KIRREL3: variants seen among roughly 807,000 people sequenced by gnomAD.
KIRREL3 encodes the protein kirre like nephrin family adhesion molecule 3, also known as kin of IRRE-like protein 3.
Under a neutral mutation model 89.7 loss-of-function variants are expected in KIRREL3, and 36 were observed. The ratio of observed to expected loss-of-function variants is 0.40; its 90% CI spans 0.31 to 0.53. The LOEUF (loss-of-function observed/expected upper bound fraction) is 0.53, where lower values mean the gene tolerates loss of function less well. Ranked by LOEUF, KIRREL3 falls within the 20% of genes least tolerant of loss-of-function variation. KIRREL3 has a pLI of 0.49. For missense variants in KIRREL3, 864 were observed against 1,056.6 expected (o/e 0.82, Z 2.53); for synonymous variants, 445 against 441.4 (o/e 1.01, Z -0.10).
chr11:126,915,361 AT>A (rs545832130), intron 1 of KIRREL3, among the ~76,000 whole-genome samples: 82 of 149,826 alleles, frequency 5.5e-4, no homozygotes, highest in East Asian at 3.1e-3. Context: ...TCAGCTCTGT[AT>A]TTTTTTTTTA....
At position 126,555,473 on chromosome 11, in the gene KIRREL3, T is replaced by A. The variant is rs73634683; in HGVS notation, c.133+7362A>T. On this transcript the variant is annotated intron_variant, in intron 2 of 16. Coordinates refer to ENST00000525144, the MANE Select transcript of KIRREL3 (RefSeq NM_032531.4). The surrounding 1 kb of genome is among the most constrained non-coding windows in gnomAD (Gnocchi z 4.2). ...TCTTGACTGAGGAGGGATGGGTCAG[T>A]GGAGGCATCACTGGAGCAGAGACTT... Among the ~76,000 whole-genome samples, 6,054 of 152,184 alleles carry A rather than the reference T, an allele frequency of 0.04. 303 individuals are homozygous for A. The highest frequency in any genetic ancestry group is 0.12 in the African/African-American group (4,861 of 41,502).
At position 126,530,900 on chromosome 11, in the gene KIRREL3, C is replaced by T. The variant is rs529425814; in HGVS notation, c.134-4213G>A. Among the ~76,000 whole-genome samples the T allele has an allele frequency of 1.1e-4, 16 of 151,974 alleles. No individual in the cohort carries two copies. The highest frequency in any genetic ancestry group is 5.8e-4 in the East Asian group (3 of 5,166). ...GGCTGGAGTGCAGTGGTGCGATCTC[C>T]GCTCATTGCAACCTTTGCCTCCCGG... On this transcript the variant is annotated intron_variant, in intron 2 of 16. Transcript: ENST00000525144. The surrounding 1 kb of genome is among the most constrained non-coding windows in gnomAD (Gnocchi z 5.8).
Position 126,923,196 on chromosome 11 carries a change from T to TTCTTTTCTTCTTCTTC in KIRREL3, c.55+77258_55+77259insGAAGAAGAAGAAAAGA, listed in dbSNP as rs1947473005. 8.6e-4 allele frequency among the ~76,000 whole-genome samples: 8 copies of TTCTTTTCTTCTTCTTC among 9,338 alleles called. 4 individuals are homozygous for TTCTTTTCTTCTTCTTC. The highest frequency in any genetic ancestry group is 1.4e-3 in the Non-Finnish European group (8 of 5,736). 6.1% of individuals were successfully genotyped at this position (9,338 alleles called of 152,430 possible). The stretch of plus-strand genomic sequence containing the variant: ...TTCTTCTCTTCTTCTTCTCTTCTTC[T>TTCTTTTCTTCTTCTTC]TCTTCTTCTTCTTCTTCTTCTTCTT... On this transcript the variant is annotated intron_variant, in intron 1 of 16. Transcript: ENST00000525144.
rs1437300343 is a variant in KIRREL3, at chr11:126,424,792, G to C, written c.2125C>G (p.Arg709Gly). 1.2e-6 allele frequency: 2 copies of C among 1,613,920 alleles called. No individual in the cohort carries two copies. Among genetic ancestry groups the C allele is most frequent in the Non-Finnish European group, 1.7e-6 (2 of 1,179,910 alleles). The change falls in exon 17 of 17, where the codon CGG becomes GGG. Residue 709 changes from arginine (R) to glycine (G), a missense_variant. Transcript: ENST00000525144. ...CTGAGGGAGCCTCTCTGGAACTCCC[G>C]CTCACAAAGCTCGATGGACGAGCTG... The part of the protein sequence containing the change: ...MGSSSIELCE[R>G]EFQRGSLSDS...
intron 4 of KIRREL3, among the ~76,000 whole-genome samples, chr11:126,483,135 G>A (rs980812878): frequency 6.6e-6 from 1 of 152,186 alleles, no homozygotes; most frequent in African/African-American, 2.4e-5. Context: ...ATACTCAGAG[G>A]AAAGAAACGG....
chr11:126,781,621 G>A (rs568379691), intron 1 of KIRREL3, among the ~76,000 whole-genome samples: 35 of 152,204 alleles, frequency 2.3e-4, no homozygotes, highest in African/African-American at 8.2e-4. Flanking sequence ...CATCTCCTTT[G>A]CTATTAAAAA....
In KIRREL3 at chr11:126,905,787, G is replaced by A. The variant is rs1445378470; in HGVS notation, c.55+94668C>T. On this transcript the variant is annotated intron_variant, in intron 1 of 16. Transcript: ENST00000525144. The surrounding 1 kb of genome is among the most constrained non-coding windows in gnomAD (Gnocchi z 5.0). ...CCTATCTGCCGCTGCCAGTTCGGGCGGATGCCTAACGAGCACACTGGGGAG... is the reference window on the plus strand; with the variant it reads ...CCTATCTGCCGCTGCCAGTTCGGGCAGATGCCTAACGAGCACACTGGGGAG... Among the ~76,000 whole-genome samples the A allele has an allele frequency of 3.9e-5, 6 of 152,142 alleles. No individual in the cohort carries two copies. Among genetic ancestry groups the A allele is most frequent in the South Asian group, 2.1e-4 (1 of 4,826 alleles).
intron 1 of KIRREL3, among the ~76,000 whole-genome samples, chr11:126,968,184 TTTACATAA>T (rs1289715058): frequency 6.6e-6 from 1 of 152,232 alleles, no homozygotes; most frequent in African/African-American, 2.4e-5. Context: ...GGTGTTCTTC[TTTACATAA>T]TTACAAGCTG....
rs1241698458 is a variant in KIRREL3, at chr11:126,747,558, C to G, written c.56-184646G>C. ...TGTTCCCTCTCTGCAAAGCAGTGCT[C>G]TCTGTGGTCGTGGCTGTGCTCACAG... On this transcript the variant is annotated intron_variant, in intron 1 of 16. Transcript: ENST00000525144. This position sits in a 1 kb window ranked among gnomAD's most constrained non-coding sequence, Gnocchi z 4.7. Among the ~76,000 whole-genome samples the G allele has an allele frequency of 6.6e-6, 1 of 152,144 alleles. No homozygotes were observed. Among genetic ancestry groups the G allele is most frequent in the Non-Finnish European group, 1.5e-5 (1 of 68,024 alleles).
chr11:126,573,595 C>T (rs1269559837), intron 1 of KIRREL3, among the ~76,000 whole-genome samples: 2 of 152,152 alleles, frequency 1.3e-5, no homozygotes, highest in African/African-American at 2.4e-5. Context: ...TACCCCATTA[C>T]GACGCTGTAT....
chr11:126,623,741 A>G lies in KIRREL3; in HGVS notation c.56-60829T>C, dbSNP rs1182743604. 6.6e-6 allele frequency among the ~76,000 whole-genome samples: 1 copy of G among 152,194 alleles called. No homozygotes were observed. Among genetic ancestry groups the G allele is most frequent in the Non-Finnish European group, 1.5e-5 (1 of 68,036 alleles). ...GCGAGGAGAAAGCCATTGAATAAAT[A>G]CTAAGCTAGAAAACAAAGATATACA... On this transcript the variant is annotated intron_variant, in intron 1 of 16. Transcript: ENST00000525144. This position sits in a 1 kb window ranked among gnomAD's most constrained non-coding sequence, Gnocchi z 4.1.
intron 1 of KIRREL3, among the ~76,000 whole-genome samples, chr11:126,714,537 T>C (rs1382888366): frequency 7.9e-5 from 12 of 152,202 alleles, no homozygotes; most frequent in Admixed American, 2.0e-4. Flanking sequence ...TGGCATGTGC[T>C]GGAGAGTTTC....
intron 1 of KIRREL3, among the ~76,000 whole-genome samples, chr11:126,950,783 A>G (rs1239040043): frequency 6.6e-6 from 1 of 152,216 alleles, no homozygotes; most frequent in East Asian, 1.9e-4. Flanking sequence ...GCTTCTTAAG[A>G]GTCCCATTTG....
intron 1 of KIRREL3, among the ~76,000 whole-genome samples, chr11:126,759,839 T>C (rs980250553): frequency 3.3e-5 from 5 of 152,084 alleles, no homozygotes; most frequent in African/African-American, 1.2e-4. Context: ...CTTTTTGGGG[T>C]AGGAAAATGC....
In KIRREL3 at chr11:126,453,961, C is replaced by T. The variant is rs950366697; in HGVS notation, c.848+2388G>A. Among the ~76,000 whole-genome samples the T allele has an allele frequency of 2.6e-5, 4 of 152,124 alleles. No individual in the cohort carries two copies. In the South Asian group the frequency reaches 8.3e-4, roughly 32 times the overall value. On this transcript the variant is annotated intron_variant, in intron 7 of 16. Coordinates refer to ENST00000525144, the MANE Select transcript of KIRREL3 (RefSeq NM_032531.4). ...CTCCAGGGGAGTACGAAAGGGAGGA[C>T]CCACAGGCCACCTGTAGCATGGGGA...
intron 1 of KIRREL3, among the ~76,000 whole-genome samples, chr11:126,927,033 G>A (rs1445002460): frequency 3.3e-5 from 5 of 152,222 alleles, no homozygotes; most frequent in Non-Finnish European, 5.9e-5. Flanking sequence ...CAATCGAGCT[G>A]AGATTATAGG....
intron 1 of KIRREL3, among the ~76,000 whole-genome samples, chr11:126,586,750 TG>T (rs1941880950): frequency 6.6e-6 from 1 of 152,050 alleles, no homozygotes; most frequent in Admixed American, 6.5e-5. Flanking sequence ...GGATACAAGG[TG>T]GCACCGTGAA....
chr11:126,480,892 C>G (rs1957199170), intron 4 of KIRREL3, among the ~76,000 whole-genome samples: 1 of 152,178 alleles, frequency 6.6e-6, no homozygotes, highest in South Asian at 2.1e-4. Context: ...TCCCAGCTTC[C>G]GGTTTCCTCA....
In KIRREL3 at chr11:126,424,116, G is replaced by C. The variant is rs1300063378; in HGVS notation, c.*464C>G. 5.3e-6 allele frequency: 1 copy of C among 189,248 alleles called. No homozygotes were observed. Among genetic ancestry groups the C allele is most frequent in the African/African-American group, 2.3e-5 (1 of 43,162 alleles). The allele number at this position is 189,248 out of a possible 1,614,324, so 11.7% of individuals were successfully genotyped here. A position where few individuals can be genotyped will look rare whatever the true frequency, so the allele number is the denominator to read the frequency against. On this transcript the variant is annotated 3_prime_UTR_variant, in exon 17 of 17. Transcript: ENST00000525144. ...GCCGGGGTTTCTGGGGCAGCTCAGTGCTGGGAAGACGTCATCCCCTTCTCC... is the reference window on the plus strand; with the variant it reads ...GCCGGGGTTTCTGGGGCAGCTCAGTCCTGGGAAGACGTCATCCCCTTCTCC...
Sources: gnomAD v4.1 joint callset for allele counts (sites outside exome capture counted in the v4.1 genomes callset) on GRCh38, gnomAD v4.1.1 for gene constraint, Gnocchi (gnomAD v3.1) non-coding constraint, MANE v1.5 for transcripts, NCBI Gene and HGNC (gene_info 2026-07-23, HGNC 2026-07-21) for gene names.